Variants in CELA2A observed in about 807,000 individuals in gnomAD.
CELA2A encodes the protein chymotrypsin like elastase 2A.
CELA2A carries 31 observed loss-of-function variants against 35.3 expected under a neutral mutation model. The observed-to-expected ratio is 0.88, with a 90% CI of 0.66 to 1.19. CELA2A has a LOEUF of 1.19. Ranked by LOEUF, CELA2A falls within the 50% of genes most tolerant of loss-of-function variation. CELA2A has a pLI of 0.00. For missense variants in CELA2A, 330 were observed against 352.9 expected, an observed-to-expected ratio of 0.94 and a Z score of 0.52; for synonymous variants, 150 against 149.8, an observed-to-expected ratio of 1.00 and a Z score of -0.01.
intron 3 of CELA2A, among the ~76,000 whole-genome samples, 169 bp from the exon 4 acceptor site, chr1:15,462,564 G>A (rs540285024): frequency 3.3e-5 from 5 of 152,200 alleles, no homozygotes; most frequent in South Asian, 2.1e-4. Flanking sequence ...TAGTTCTTAG[G>A]TTATATACTT....
intron 2 of CELA2A, 27 bp from the exon 3 acceptor site, chr1:15,461,534 C>G: frequency 2.5e-6 from 4 of 1,611,216 alleles, no homozygotes; most frequent in Non-Finnish European, 3.4e-6. Flanking sequence ...TCAAACCTAG[C>G]CACAGAGCTC....
chr1:15,458,244 G>A (rs904847250), intron 2 of CELA2A, among the ~76,000 whole-genome samples: 3 of 152,162 alleles, frequency 2.0e-5, no homozygotes, highest in African/African-American at 7.2e-5. Context: ...GTAACTTTGA[G>A]ACGTTCACAA....
intron 2 of CELA2A, among the ~76,000 whole-genome samples, chr1:15,461,136 A>T (rs1225740227): frequency 2.0e-5 from 3 of 152,110 alleles, no homozygotes; most frequent in African/African-American, 4.8e-5. Context: ...CATGGAGGTG[A>T]CCACCCTCAT....
At chr1:15,459,947 CAAAA>C (rs80212453) in intron 2 of CELA2A, among the ~76,000 whole-genome samples, 1 of 95,454 alleles carries the variant, frequency 1.0e-5, no homozygotes, top group Admixed American at 1.1e-4. Flanking sequence ...ATAGCCATCT[CAAAA>C]AAAAAAAAAA....
chr1:15,459,716 T>C (rs1431854725), intron 2 of CELA2A, among the ~76,000 whole-genome samples: 11 of 152,156 alleles, frequency 7.2e-5, no homozygotes, highest in Non-Finnish European at 1.5e-4. Flanking sequence ...CCCTATGCTT[T>C]GTGCTTCTGT....
At position 15,463,269 on chromosome 1, in the gene CELA2A, C is replaced by A; in HGVS notation, c.357-117C>A. ...AAACATGCCCTGGGGCCCTGCCAGT[C>A]AGAGCAACCTGGGGTAACAGGGTAC... On this transcript the variant is annotated intron_variant, in intron 4 of 7. Transcript: ENST00000359621. 4 of 1,512,068 alleles carry A rather than the reference C, an allele frequency of 2.6e-6. No homozygotes were observed. In the South Asian group the frequency reaches 3.8e-5, roughly 14 times the overall value. 93.7% of individuals were successfully genotyped at this position (1,512,068 alleles called of 1,614,324 possible).
chr1:15,456,969 T>A (rs1015167355), intron 1 of CELA2A, 117 bp from the exon 2 acceptor site: 1 of 1,274,002 alleles, frequency 7.8e-7, no homozygotes, highest in African/African-American at 1.5e-5. Flanking sequence ...TTCTATGACC[T>A]CTTGGGATCC....
chr1:15,457,115 C>T lies in CELA2A; in HGVS notation c.70C>T (p.Pro24Ser), dbSNP rs758681304. 2.8e-5 allele frequency: 45 copies of T among 1,614,150 alleles called. No homozygotes were observed. The highest frequency in any genetic ancestry group is 3.5e-5 in the Non-Finnish European group (41 of 1,180,040). ...CAGTTGTGGGGACCCCACTTACCCA[C>T]CTTATGTGACTAGGGTGGTTGGCGG... Reference protein sequence around the residue: ...ALSCGDPTYPPYVTRVVGGEE... With the variant: ...ALSCGDPTYPSYVTRVVGGEE... The change falls in exon 2 of 8, where the codon CCT (proline) becomes TCT (serine). Residue 24 changes from proline (P) to serine (S), a missense_variant. Pro to Ser is a moderately conservative substitution (Grantham distance 74, BLOSUM62 -1). Transcript: ENST00000359621.
intron 7 of CELA2A, among the ~76,000 whole-genome samples, chr1:15,469,039 G>T (rs1377050646): frequency 1.3e-5 from 2 of 152,176 alleles, no homozygotes; most frequent in Non-Finnish European, 2.9e-5. Flanking sequence ...TAAGGTGGGT[G>T]TGGTGATACG....
At chr1:15,467,016 A>C (rs1708526888) in intron 6 of CELA2A, among the ~76,000 whole-genome samples, 1 of 152,214 alleles carries the variant, frequency 6.6e-6, no homozygotes, top group African/African-American at 2.4e-5. Context: ...AGAGCCTGGC[A>C]GCTGAAGTCT....
chr1:15,462,968 C>A, intron 4 of CELA2A, 107 bp downstream of exon 4: 1 of 1,486,034 alleles, frequency 6.7e-7, no homozygotes, highest in Non-Finnish European at 9.3e-7. Context: ...GCTTCTTCTA[C>A]AGGGAGGGGG....
chr1:15,461,647 C>T lies in CELA2A; in HGVS notation c.216C>T (p.Ala72=), dbSNP rs1708436424. The T allele has an allele frequency of 6.2e-7, 1 of 1,613,892 alleles. No homozygotes were observed. The highest frequency in any genetic ancestry group is 8.5e-7 in the Non-Finnish European group (1 of 1,180,054). The change falls in exon 3 of 8, where the codon GCC becomes GCT. Residue 72 remains alanine, a synonymous_variant. Coordinates refer to ENST00000359621, the MANE Select transcript of CELA2A (RefSeq NM_033440.3). The part of the protein sequence containing the change: ...LIANSWVLTA[A]HCISSSRTYR... Reference sequence around the variant, plus strand: ...CCAACAGCTGGGTCCTGACGGCTGCCCACTGCATCAGGTAACTGCCTTTCC... The same window carrying T: ...CCAACAGCTGGGTCCTGACGGCTGCTCACTGCATCAGGTAACTGCCTTTCC...
At chr1:15,471,503 G>A (rs1263745240) in intron 7 of CELA2A, among the ~76,000 whole-genome samples, 8 of 151,684 alleles carry the variant, frequency 5.3e-5, no homozygotes, top group South Asian at 2.1e-4. Flanking sequence ...AGCCCAGATC[G>A]CCCTACTGCA....
At chr1:15,467,807 C>T (rs1354742276) in intron 7 of CELA2A, among the ~76,000 whole-genome samples, 3 of 152,078 alleles carry the variant, frequency 2.0e-5, no homozygotes, top group African/African-American at 7.2e-5. Flanking sequence ...GAGTGAGTTC[C>T]GCTGGGCGCC....
At chr1:15,468,917 C>T (rs1708556332) in intron 7 of CELA2A, among the ~76,000 whole-genome samples, 1 of 152,188 alleles carries the variant, frequency 6.6e-6, no homozygotes, top group Non-Finnish European at 1.5e-5. Flanking sequence ...GTGGCTCACG[C>T]CTGTAATCCA....
intron 4 of CELA2A, 117 bp downstream of exon 4, chr1:15,462,978 G>A (rs1279041563): frequency 5.5e-6 from 8 of 1,448,622 alleles, no homozygotes; most frequent in Admixed American, 1.8e-5. Flanking sequence ...CAGGGAGGGG[G>A]AAGGAGCTCT....
rs759109348 is a variant in CELA2A at position 15,456,738 on chromosome 1, C to T, written c.-16C>T. 1.9e-6 allele frequency: 3 copies of T among 1,613,558 alleles called. No homozygotes were observed. Among genetic ancestry groups the T allele is most frequent in the East Asian group, 2.2e-5 (1 of 44,870 alleles). The stretch of plus-strand genomic sequence containing the variant: ...CTTATCCAGGGCCACGCTTACAGAA[C>T]TCCCACGGACACACCATGATAAGGA... On this transcript the variant is annotated 5_prime_UTR_variant, in exon 1 of 8. Transcript: ENST00000359621.
intron 3 of CELA2A, chr1:15,462,135 G>A (rs7512589): frequency 0.26 from 122,905 of 471,620 alleles, 16,751 homozygotes; most frequent in Middle Eastern, 0.4. Flanking sequence ...ACAAGGTTCT[G>A]CAACGTTGTT....
At chr1:15,459,266 G>A (rs565382664) in intron 2 of CELA2A, among the ~76,000 whole-genome samples, 3 of 151,464 alleles carry the variant, frequency 2.0e-5, no homozygotes, top group Non-Finnish European at 2.9e-5. Context: ...AGGCTCAAGC[G>A]ATCCTCCCAC....
Sources: gnomAD v4.1 joint callset for allele counts (sites outside exome capture counted in the v4.1 genomes callset) on GRCh38, gnomAD v4.1.1 for gene constraint, MANE v1.5 for transcripts, NCBI Gene and HGNC (gene_info 2026-07-23, HGNC 2026-07-21) for gene names.